Variants in CDCA7L observed in about 807,000 individuals in gnomAD.
The protein encoded by CDCA7L is cell division cycle associated 7 like.
CDCA7L carries 44 observed loss-of-function variants against 57.4 expected under a neutral mutation model. The ratio of observed to expected loss-of-function variants is 0.77; its 90% CI spans 0.60 to 0.98. The LOEUF is 0.98. Ranked by LOEUF, CDCA7L falls within the 50% of genes least tolerant of loss-of-function variation. The pLI is 0.00. For synonymous variants in CDCA7L, 236 were observed against 202.8 expected, an observed-to-expected ratio of 1.16 and a Z score of -1.39; for missense variants, 644 against 580.6, an observed-to-expected ratio of 1.11 and a Z score of -1.12.
Position 21,901,081 on chromosome 7 carries a change from ATCT to A in CDCA7L, c.*1238_*1240del. The A allele has an allele frequency of 1.2e-6, 2 of 1,613,876 alleles. No homozygotes were observed. Among genetic ancestry groups the A allele is most frequent in the Non-Finnish European group, 1.7e-6 (2 of 1,179,782 alleles). On this transcript the variant is annotated 3_prime_UTR_variant, in exon 10 of 10. Coordinates refer to ENST00000406877, the MANE Select transcript of CDCA7L (RefSeq NM_018719.5). Reference sequence around the variant, plus strand: ...GGAGCTGGCATGCCCTATGCCGGTCATCTTTGCAAAAGCCACCCCCGTGGACAG... The same window carrying A: ...GGAGCTGGCATGCCCTATGCCGGTCATTGCAAAAGCCACCCCCGTGGACAG...
chr7:21,904,468 C>T (rs915589919), intron 7 of CDCA7L, among the ~76,000 whole-genome samples: 14 of 152,066 alleles, frequency 9.2e-5, no homozygotes, highest in Admixed American at 7.2e-4. Flanking sequence ...TGTTTGGAAC[C>T]GGGCTGCACA....
chr7:21,918,755 C>A (rs1785565746), intron 1 of CDCA7L, among the ~76,000 whole-genome samples: 1 of 152,154 alleles, frequency 6.6e-6, no homozygotes, highest in African/African-American at 2.4e-5. Flanking sequence ...GTCTGGCTGT[C>A]TCTTTTTTTA....
At chr7:21,945,381 TTTC>T (rs1231142955) in intron 1 of CDCA7L, among the ~76,000 whole-genome samples, 1 of 151,736 alleles carries the variant, frequency 6.6e-6, no homozygotes, top group Non-Finnish European at 1.5e-5. Flanking sequence ...AAATTACAAC[TTTC>T]TTAAGCTTCC....
intron 1 of CDCA7L, among the ~76,000 whole-genome samples, chr7:21,921,834 G>A (rs1165009617): frequency 6.6e-6 from 1 of 151,274 alleles, no homozygotes; most frequent in Non-Finnish European, 1.5e-5. Flanking sequence ...TATAATACTT[G>A]TTAAAAATCG....
chr7:21,904,198 T>A lies in CDCA7L; in HGVS notation c.1109A>T (p.Gln370Leu). 3 of 1,613,826 alleles carry A rather than the reference T, an allele frequency of 1.9e-6. No homozygotes were observed. The highest frequency in any genetic ancestry group is 1.7e-6 in the Non-Finnish European group (2 of 1,179,852). Residue 370 changes from glutamine (Q) to leucine (L), a missense_variant, in exon 8 of 10, where the codon CAG becomes CTG. Transcript: ENST00000406877. ...TIDTKTVCRN[Q>L]GCCGVRGQFC... is the part of the protein sequence containing the mutation. ...CTGTCCTCGCACACCACAGCAACCC[T>A]GGTTCCGACACACTGTCTTGGTGTC...
intron 2 of CDCA7L, among the ~76,000 whole-genome samples, chr7:21,912,253 C>A (rs1188319457): frequency 6.6e-6 from 1 of 152,094 alleles, no homozygotes; most frequent in African/African-American, 2.4e-5. Context: ...CAAGATCACA[C>A]CATTGCACTC....
At position 21,945,846 on chromosome 7, in the gene CDCA7L, C is replaced by A; in HGVS notation, c.-42G>T. On this transcript the variant is annotated 5_prime_UTR_variant, in exon 1 of 10. Transcript: ENST00000406877. ...CCAGTCTCCTCCCAGCACGCGGCCA[C>A]GGGAGCCCGGACTCACCACGGCCCG... is the stretch of plus-strand genomic sequence containing the variant. 6.3e-7 allele frequency: 1 copy of A among 1,587,434 alleles called. No individual in the cohort carries two copies. Among genetic ancestry groups the A allele is most frequent in the East Asian group, 2.4e-5 (1 of 41,880 alleles).
chr7:21,918,559 A>C (rs935187618), intron 1 of CDCA7L, among the ~76,000 whole-genome samples: 2 of 152,256 alleles, frequency 1.3e-5, no homozygotes, highest in Non-Finnish European at 2.9e-5. Context: ...AAGCTGGGTC[A>C]CTTGACTGTG....
At chr7:21,918,154 A>G (rs1785544575) in intron 1 of CDCA7L, among the ~76,000 whole-genome samples, 2 of 152,214 alleles carry the variant, frequency 1.3e-5, no homozygotes, top group African/African-American at 4.8e-5. Context: ...AGGGGGCACA[A>G]AATGTCAAGT....
At chr7:21,914,044 G>C (rs116159585) in intron 2 of CDCA7L, among the ~76,000 whole-genome samples, 1,734 of 152,278 alleles carry the variant, frequency 0.011, 30 homozygotes, top group African/African-American at 0.04. Flanking sequence ...TATAGGCCTT[G>C]GTCATCTACC....
chr7:21,905,822 T>TA (rs1785119898), intron 6 of CDCA7L, 191 bp from the exon 7 acceptor site: 1 of 604,058 alleles, frequency 1.7e-6, no homozygotes, highest in African/African-American at 1.9e-5. Context: ...AGCAAGGCGA[T>TA]ACAATCATAA....
chr7:21,902,565 C>CGATTCAGAGTTTATTA (rs141458032), intron 9 of CDCA7L: 89,789 of 578,570 alleles, frequency 0.16, 8,488 homozygotes, highest in East Asian at 0.33. Flanking sequence ...TCCAGAACCA[C>CGATTCAGAGTTTATTA]GATTCAGAGT....
In CDCA7L at chr7:21,905,513, T is replaced by C. The variant is rs1381312612; in HGVS notation, c.1040A>G (p.Lys347Arg). The change falls in exon 7 of 10, where the codon AAA becomes AGA. Residue 347 changes from lysine (K) to arginine (R), a missense_variant. Transcript: ENST00000406877. ...AITVRDKIYD[K>R]VLGNTCHQCR... ...AATTAATGTATACTTTACCAGAACT[T>C]TATCATAGATTTTATCTCGAACAGT... The C allele has an allele frequency of 1.2e-6, 2 of 1,613,412 alleles. No homozygotes were observed. Among genetic ancestry groups the C allele is most frequent in the Non-Finnish European group, 1.7e-6 (2 of 1,179,808 alleles).
intron 1 of CDCA7L, among the ~76,000 whole-genome samples, chr7:21,931,579 G>T (rs563774759): frequency 6.6e-6 from 1 of 152,060 alleles, no homozygotes; most frequent in South Asian, 2.1e-4. Flanking sequence ...ATTCAACACC[G>T]ATTCCTGCTA....
At chr7:21,905,739 C>A (rs1006536165) in intron 6 of CDCA7L, 108 bp from the exon 7 acceptor site, 4 of 1,210,304 alleles carry the variant, frequency 3.3e-6, no homozygotes, top group Non-Finnish European at 3.3e-6. Flanking sequence ...TAACCCCGTC[C>A]CTCTTCTATT....
At position 21,902,718 on chromosome 7, in the gene CDCA7L, T is replaced by TGTCA. The variant is rs1411940640; in HGVS notation, c.1334+256_1334+259dup. ...CTTGTTTGTTTGTTCCTTCCATTTC[T>TGTCA]GTCATACACCTCAAGGAGAAATTTT... On this transcript the variant is annotated intron_variant, in intron 9 of 9. Coordinates refer to ENST00000406877, the MANE Select transcript of CDCA7L (RefSeq NM_018719.5). 1.7e-4 allele frequency: 82 copies of TGTCA among 496,632 alleles called. No homozygotes were observed. The South Asian group carries it at 2.3e-3, about 14-fold the overall frequency. The allele number at this position is 496,632 out of a possible 1,614,324, so 30.8% of individuals were successfully genotyped here. A position where few individuals can be genotyped will look rare whatever the true frequency, so the allele number is the denominator to read the frequency against.
rs1470776926 is a variant in CDCA7L at position 21,906,269 on chromosome 7, A to G, written c.921+20T>C. On this transcript the variant is annotated intron_variant, in intron 6 of 9. Transcript: ENST00000406877. ...TGGTAGCTCAGACAAAAACTAATTC[A>G]TGTATTAGTCAGAAAATACCCCAAT... 6.4e-7 allele frequency: 1 copy of G among 1,570,832 alleles called. No individual in the cohort carries two copies. The highest frequency in any genetic ancestry group is 1.4e-5 in the African/African-American group (1 of 73,308).
chr7:21,924,875 C>A (rs1785774719), intron 1 of CDCA7L, among the ~76,000 whole-genome samples: 1 of 152,074 alleles, frequency 6.6e-6, no homozygotes. Flanking sequence ...ATAAAGAATT[C>A]TCATAATTCA....
intron 6 of CDCA7L, 42 bp downstream of exon 6, chr7:21,906,247 T>C: frequency 6.5e-7 from 1 of 1,544,860 alleles, no homozygotes; most frequent in Non-Finnish European, 8.8e-7. Context: ...GGAGGGATGG[T>C]AGCTCAGACA....
Sources: gnomAD v4.1 joint callset for allele counts (sites outside exome capture counted in the v4.1 genomes callset) on GRCh38, gnomAD v4.1.1 for gene constraint, MANE v1.5 for transcripts, NCBI Gene and HGNC (gene_info 2026-07-23, HGNC 2026-07-21) for gene names.